TSHZ3: variants seen among roughly 807,000 people sequenced by gnomAD.
The protein encoded by TSHZ3 is teashirt homolog 3.
Under a neutral mutation model 64.5 loss-of-function variants are expected in TSHZ3, and 10 were observed. The observed-to-expected ratio is 0.16, with a 90% CI of 0.10 to 0.26. The LOEUF (loss-of-function observed/expected upper bound fraction) is 0.26. Among genes scored for constraint, TSHZ3 ranks in the 10% least tolerant of loss-of-function variants. The probability of loss-of-function intolerance (pLI) is 1.00; values close to 1 mark genes in which losing one functional copy is unlikely to be tolerated. For missense variants in TSHZ3, 1,242 were observed against 1,421.7 expected (o/e 0.87, Z 2.03); for synonymous variants, 608 against 593.1 (o/e 1.03, Z -0.36).
intron 5 of TSHZ3, among the ~76,000 whole-genome samples, chr19:31,172,777 T>A (rs1346101062): frequency 1.3e-5 from 2 of 152,136 alleles, no homozygotes; most frequent in African/African-American, 4.8e-5. Flanking sequence ...ATCAGGCTCA[T>A]TGAGGAGAGG....
intron 1 of TSHZ3, among the ~76,000 whole-genome samples, chr19:31,312,238 A>G (rs1321137648): frequency 6.6e-6 from 1 of 152,268 alleles, no homozygotes; most frequent in African/African-American, 2.4e-5. Flanking sequence ...ACTATGAATC[A>G]GCAGATGCTG....
At chr19:31,231,002 C>T (rs1196808927) in intron 3 of TSHZ3, among the ~76,000 whole-genome samples, 3 of 151,708 alleles carry the variant, frequency 2.0e-5, no homozygotes, top group African/African-American at 4.8e-5. Context: ...GCCGCTGGCC[C>T]CCATCACTGC....
chr19:31,333,963 C>T (rs1157514408), intron 1 of TSHZ3, among the ~76,000 whole-genome samples: 1 of 152,162 alleles, frequency 6.6e-6, no homozygotes, highest in African/African-American at 2.4e-5. Context: ...CGTGTGTTTC[C>T]AAATAATACC....
chr19:31,165,066 C>T (rs1416977793), intron 5 of TSHZ3, among the ~76,000 whole-genome samples: 2 of 152,226 alleles, frequency 1.3e-5, no homozygotes, highest in Non-Finnish European at 1.5e-5. Flanking sequence ...GGGACAGAGG[C>T]GGCTTTGTCA....
At chr19:31,312,762 T>A (rs919541526) in intron 1 of TSHZ3, among the ~76,000 whole-genome samples, 1 of 152,150 alleles carries the variant, frequency 6.6e-6, no homozygotes, top group Non-Finnish European at 1.5e-5. Context: ...TCCCTCTGAT[T>A]GCTTCAAGGA....
chr19:31,345,912 T>C (rs1917578377), intron 1 of TSHZ3, among the ~76,000 whole-genome samples: 2 of 152,070 alleles, frequency 1.3e-5, no homozygotes, highest in Non-Finnish European at 2.9e-5. Context: ...CTAACCCCAC[T>C]CCTCTGAGCT....
intron 5 of TSHZ3, among the ~76,000 whole-genome samples, chr19:31,173,326 T>A (rs899420314): frequency 1.8e-4 from 28 of 152,192 alleles, no homozygotes; most frequent in Admixed American, 1.7e-3. Context: ...TGCAAAGTAG[T>A]TTGTAAACAA....
chr19:31,341,609 A>ACTCT (rs140397780), intron 1 of TSHZ3, among the ~76,000 whole-genome samples: 5 of 135,982 alleles, frequency 3.7e-5, no homozygotes, highest in South Asian at 4.8e-4. Context: ...GCATGCACTC[A>ACTCT]CTCTCTCTCT....
At chr19:31,156,245 C>T (rs1048681499) in intron 6 of TSHZ3, among the ~76,000 whole-genome samples, 1 of 152,176 alleles carries the variant, frequency 6.6e-6, no homozygotes, top group African/African-American at 2.4e-5. Context: ...GGAATAGTGT[C>T]AGGCACGTAA....
chr19:31,225,653 G>A (rs543442982), intron 4 of TSHZ3, among the ~76,000 whole-genome samples: 15 of 152,196 alleles, frequency 9.9e-5, no homozygotes, highest in African/African-American at 2.9e-4. Flanking sequence ...GGTGAAGTTC[G>A]CCCTTCTCCT....
chr19:31,173,812 G>A (rs181687875), intron 5 of TSHZ3, among the ~76,000 whole-genome samples: 56 of 152,278 alleles, frequency 3.7e-4, no homozygotes, highest in Non-Finnish European at 2.9e-5. Flanking sequence ...TCAGCTCCCT[G>A]TAATCCCAGC....
intron 1 of TSHZ3, among the ~76,000 whole-genome samples, chr19:31,317,779 C>T (rs530790542): frequency 1.3e-5 from 2 of 152,328 alleles, no homozygotes; most frequent in African/African-American, 2.4e-5. Context: ...CCCGGACATC[C>T]GGGGTGGAAA....
intron 1 of TSHZ3, among the ~76,000 whole-genome samples, chr19:31,323,125 T>G (rs1475505673): frequency 6.6e-6 from 1 of 152,224 alleles, no homozygotes; most frequent in Non-Finnish European, 1.5e-5. Flanking sequence ...ATGAAAATGT[T>G]TTAAACCAGC....
Position 31,324,055 on chromosome 19 carries a change from C to A in TSHZ3, c.40+25125G>T, listed in dbSNP as rs76403544. ...CAAAAGCAGGAGGAAAAAACGTCTC[C>A]GCAGCACCCAATTTGATGCTGGCTC... On this transcript the variant is annotated intron_variant, in intron 1 of 1. Coordinates refer to ENST00000240587, the MANE Select transcript of TSHZ3 (RefSeq NM_020856.4). 6.2e-4 allele frequency among the ~76,000 whole-genome samples: 94 copies of A among 152,200 alleles called. 5 individuals carry two copies. The East Asian group carries it at 0.017, about 28-fold the overall frequency.
At chr19:31,315,018 G>A (rs926621077) in intron 1 of TSHZ3, among the ~76,000 whole-genome samples, 1 of 152,330 alleles carries the variant, frequency 6.6e-6, no homozygotes, top group African/African-American at 2.4e-5. Flanking sequence ...CCCAAGCAGG[G>A]AATCCTGCCA....
intron 1 of TSHZ3, among the ~76,000 whole-genome samples, chr19:31,268,624 C>T (rs1976089826): frequency 6.6e-6 from 1 of 152,130 alleles, no homozygotes; most frequent in South Asian, 2.1e-4. Flanking sequence ...CCTCTTCCCT[C>T]CTAGGATGGC....
chr19:31,182,750 T>C (rs1303378757), intron 5 of TSHZ3, among the ~76,000 whole-genome samples: 2 of 152,070 alleles, frequency 1.3e-5, no homozygotes, highest in African/African-American at 4.8e-5. Context: ...ATAAGTTTCT[T>C]AGACAAAAAA....
At chr19:31,188,890 C>T (rs111966758) in intron 5 of TSHZ3, among the ~76,000 whole-genome samples, 4 of 151,952 alleles carry the variant, frequency 2.6e-5, no homozygotes, top group Admixed American at 1.3e-4. Context: ...TGATAGAATT[C>T]AAAAGTGATC....
intron 1 of TSHZ3, among the ~76,000 whole-genome samples, chr19:31,269,707 A>C (rs1976107150): frequency 6.6e-6 from 1 of 152,252 alleles, no homozygotes; most frequent in Admixed American, 6.5e-5. Flanking sequence ...AAAAAATGAA[A>C]GTGAAATGTT....
Sources: gnomAD v4.1 joint callset for allele counts (sites outside exome capture counted in the v4.1 genomes callset) on GRCh38, gnomAD v4.1.1 for gene constraint, MANE v1.5 for transcripts, NCBI Gene and HGNC (gene_info 2026-07-23, HGNC 2026-07-21) for gene names.